The following CNTN3 variants were observed in gnomAD, a reference collection of about 807,000 sequenced individuals.
CNTN3 encodes the protein contactin 3, also known as contactin-3.
In CNTN3, 60 loss-of-function variants were observed where a neutral mutation model predicts 119.1. The observed-to-expected ratio is 0.50, with a 90% CI of 0.41 to 0.62. The LOEUF (loss-of-function observed/expected upper bound fraction) is 0.62. Ranked by LOEUF, CNTN3 falls within the 20% of genes least tolerant of loss-of-function variation. The probability of loss-of-function intolerance (pLI) is 0.00; values close to 1 mark genes in which losing one functional copy is unlikely to be tolerated. For missense variants in CNTN3, 1,101 were observed against 1,242.4 expected (o/e 0.89, Z 1.71); for synonymous variants, 450 against 438.7 (o/e 1.03, Z -0.32).
At chr3:74,531,658 G>A (rs1026489760) in intron 1 of CNTN3, among the ~76,000 whole-genome samples, 1 of 151,988 alleles carries the variant, frequency 6.6e-6, no homozygotes, top group East Asian at 1.9e-4. Context: ...ACGGTTAAGG[G>A]TGTGAGCAGA....
intron 19 of CNTN3, 99 bp downstream of exon 19, chr3:74,295,016 CCAAAGA>C: frequency 1.5e-6 from 1 of 678,262 alleles, no homozygotes; most frequent in Non-Finnish European, 2.4e-6. Flanking sequence ...AAAATTTCGG[CCAAAGA>C]CAGACTTCAA....
chr3:74,504,267 T>C (rs900006556), intron 2 of CNTN3, among the ~76,000 whole-genome samples: 1 of 152,078 alleles, frequency 6.6e-6, no homozygotes, highest in Non-Finnish European at 1.5e-5. Flanking sequence ...GGTGTAAGGG[T>C]AGGCAATGCA....
intron 1 of CNTN3, among the ~76,000 whole-genome samples, chr3:74,522,218 A>C (rs1220649069): frequency 2.0e-5 from 3 of 151,950 alleles, no homozygotes; most frequent in African/African-American, 7.2e-5. Context: ...TTAAGTCATC[A>C]TTCCTATAAT....
chr3:74,358,207 A>C (rs1384561395), intron 11 of CNTN3, among the ~76,000 whole-genome samples: 1 of 152,216 alleles, frequency 6.6e-6, no homozygotes, highest in Non-Finnish European at 1.5e-5. Flanking sequence ...TTGGAACACC[A>C]TGGACCTCTC....
chr3:74,550,225 C>T (rs567963258), intron 1 of CNTN3, among the ~76,000 whole-genome samples: 2 of 152,288 alleles, frequency 1.3e-5, no homozygotes, highest in South Asian at 4.1e-4. Flanking sequence ...TGGAAATTTT[C>T]ACCATGAGCA....
intron 11 of CNTN3, among the ~76,000 whole-genome samples, chr3:74,348,604 T>C (rs1703747492): frequency 6.6e-6 from 1 of 152,152 alleles, no homozygotes; most frequent in Non-Finnish European, 1.5e-5. Flanking sequence ...GCAGAGGCCT[T>C]GGGCTTCATG....
chr3:74,490,672 G>T (rs1187015001), intron 3 of CNTN3, among the ~76,000 whole-genome samples: 1 of 152,114 alleles, frequency 6.6e-6, no homozygotes, highest in Non-Finnish European at 1.5e-5. Flanking sequence ...AGAAAGATTT[G>T]TTCCATTACA....
At chr3:74,420,742 C>T (rs1014482709) in intron 5 of CNTN3, among the ~76,000 whole-genome samples, 1 of 152,222 alleles carries the variant, frequency 6.6e-6, no homozygotes, top group Non-Finnish European at 1.5e-5. Flanking sequence ...GCATGCCATA[C>T]TAGAAAGAGC....
chr3:74,506,159 T>C (rs143741611), intron 2 of CNTN3, among the ~76,000 whole-genome samples: 2,856 of 152,230 alleles, frequency 0.019, 93 homozygotes, highest in African/African-American at 0.063. Context: ...ACAAAATGGT[T>C]TGTGTTTAAG....
chr3:74,269,067 A>G (rs2106746274), intron 20 of CNTN3, among the ~76,000 whole-genome samples: 1 of 151,870 alleles, frequency 6.6e-6, no homozygotes, highest in East Asian at 1.9e-4. Flanking sequence ...AAAACAAAAA[A>G]AAAGGAAAAC....
rs369041175 is a variant in CNTN3 at position 74,385,061 on chromosome 3, AT to A, written c.455-13663del. Among the ~76,000 whole-genome samples, 120 of 152,270 alleles carry A rather than the reference AT, an allele frequency of 7.9e-4. 2 individuals carry two copies. The East Asian group carries it at 0.021, about 27-fold the overall frequency. ...TTAGATCAAGCAACCTCATAGCTAT[AT>A]TTTATTTCTGTCACTCGTAGACACT... On this transcript the variant is annotated intron_variant, in intron 5 of 22. Transcript: ENST00000263665.
intron 1 of CNTN3, among the ~76,000 whole-genome samples, chr3:74,530,277 G>A (rs529527220): frequency 6.6e-6 from 1 of 152,068 alleles, no homozygotes; most frequent in Admixed American, 6.6e-5. Flanking sequence ...ATACTCAGCA[G>A]GTATTACATC....
At chr3:74,531,853 A>G (rs916606012) in intron 1 of CNTN3, among the ~76,000 whole-genome samples, 7 of 151,988 alleles carry the variant, frequency 4.6e-5, no homozygotes, top group African/African-American at 1.4e-4. Context: ...GCAAATGGGC[A>G]TGAAGGTTCC....
At chr3:74,575,057 G>A (rs1347633519) in intron 1 of CNTN3, among the ~76,000 whole-genome samples, 5 of 151,550 alleles carry the variant, frequency 3.3e-5, no homozygotes, top group African/African-American at 7.3e-5. Context: ...CAAAGTAGCT[G>A]GGACAACAAG....
In CNTN3 at chr3:74,401,666, G is replaced by C. The variant is rs79225033; in HGVS notation, c.454+23179C>G. On this transcript the variant is annotated intron_variant, in intron 5 of 22. Transcript: ENST00000263665. ...GTCTGAGGAACATAACTACCTTTTA[G>C]AGCATAATTATTAAGCAACATAATG... Among the ~76,000 whole-genome samples the C allele has an allele frequency of 3.3e-3, 506 of 152,194 alleles. 1 individual carries two copies. The highest frequency in any genetic ancestry group is 0.011 in the African/African-American group (457 of 41,538).
chr3:74,385,306 A>G (rs562339100), intron 5 of CNTN3, among the ~76,000 whole-genome samples: 1 of 152,296 alleles, frequency 6.6e-6, no homozygotes, highest in African/African-American at 2.4e-5. Context: ...AACATAGAAC[A>G]TCTCTCCAAA....
chr3:74,391,093 A>C (rs924001684), intron 5 of CNTN3, among the ~76,000 whole-genome samples: 1 of 152,150 alleles, frequency 6.6e-6, no homozygotes, highest in Admixed American at 6.5e-5. Context: ...GCCCCATAAA[A>C]CATGATGACC....
intron 19 of CNTN3, among the ~76,000 whole-genome samples, chr3:74,293,260 T>C (rs1447098970): frequency 1.3e-5 from 2 of 152,216 alleles, no homozygotes; most frequent in Non-Finnish European, 2.9e-5. Context: ...GCCCATACTT[T>C]GAGCATCATT....
At chr3:74,481,113 C>A (rs1470729814) in intron 4 of CNTN3, among the ~76,000 whole-genome samples, 1 of 151,522 alleles carries the variant, frequency 6.6e-6, no homozygotes, top group Non-Finnish European at 1.5e-5. Context: ...TTTTTAGACA[C>A]AAATAATTGA....
Sources: allele counts gnomAD v4.1 joint callset (sites outside exome capture counted in the v4.1 genomes callset), GRCh38; gene constraint gnomAD v4.1.1; transcripts MANE v1.5; gene names NCBI Gene and HGNC (gene_info 2026-07-23, HGNC 2026-07-21).